Variants in KIFAP3 observed in about 807,000 individuals in gnomAD.
KIFAP3 encodes kinesin associated protein 3.
In KIFAP3, 68 loss-of-function variants were observed where a neutral mutation model predicts 106.5. The observed-to-expected ratio is 0.64, with a 90% CI of 0.53 to 0.78. The LOEUF is 0.78. Ranked by LOEUF, KIFAP3 falls within the 30% of genes least tolerant of loss-of-function variation. The pLI is 0.00. For missense variants in KIFAP3, 780 were observed against 941.8 expected, an observed-to-expected ratio of 0.83 and a Z score of 2.25; for synonymous variants, 320 against 311.5, an observed-to-expected ratio of 1.03 and a Z score of -0.29.
intron 10 of KIFAP3, among the ~76,000 whole-genome samples, 186 bp from the exon 11 acceptor site, chr1:169,992,441 C>T (rs1003149768): frequency 1.3e-5 from 2 of 152,028 alleles, no homozygotes; most frequent in South Asian, 2.1e-4. Context: ...ATATGTGAAA[C>T]ATCACTAATT....
At chr1:170,062,946 CAA>C (rs1285687472) in intron 1 of KIFAP3, among the ~76,000 whole-genome samples, 1 of 151,516 alleles carries the variant, frequency 6.6e-6, no homozygotes, top group Non-Finnish European at 1.5e-5. Context: ...ACCACCTTTG[CAA>C]AAATTATAAC....
At chr1:170,059,053 C>G (rs1361321412) in intron 1 of KIFAP3, among the ~76,000 whole-genome samples, 1 of 152,062 alleles carries the variant, frequency 6.6e-6, no homozygotes, top group Non-Finnish European at 1.5e-5. Context: ...ACTAAATGCC[C>G]ACAAGAGTAA....
Position 170,016,624 on chromosome 1 carries a change from C to T in KIFAP3, c.1021G>A (p.Val341Met). Residue 341 changes from valine to methionine, a missense_variant and splice_region_variant, in exon 10 of 20, where the codon GTG becomes ATG. Physicochemically the swap from Val to Met is conservative, Grantham distance 21 (BLOSUM62 1). Transcript: ENST00000361580. Reference sequence around the variant, plus strand: ...AGTTTTTCAACAATATCCATTTCCACCTAAGTAAAATAATAATACAAATAC... The same window carrying T: ...AGTTTTTCAACAATATCCATTTCCATCTAAGTAAAATAATAATACAAATAC... ...SIFMENKNDM[V>M]EMDIVEKLVK... 2 of 1,561,214 alleles carry T rather than the reference C, an allele frequency of 1.3e-6. No homozygotes were observed. Among genetic ancestry groups the T allele is most frequent in the Non-Finnish European group, 1.7e-6 (2 of 1,155,904 alleles).
At chr1:169,950,369 G>A (rs1306667354) in intron 19 of KIFAP3, among the ~76,000 whole-genome samples, 1 of 152,068 alleles carries the variant, frequency 6.6e-6, no homozygotes, top group African/African-American at 2.4e-5. Flanking sequence ...AATGATAAAA[G>A]TTCACCTTTT....
At chr1:170,052,635 T>G (rs1270817680) in intron 2 of KIFAP3, among the ~76,000 whole-genome samples, 2 of 152,200 alleles carry the variant, frequency 1.3e-5, no homozygotes, top group African/African-American at 2.4e-5. Context: ...ATCAAAAAAC[T>G]TATCCACCAC....
Position 170,000,884 on chromosome 1 carries a change from A to T in KIFAP3, c.1184-8629T>A, listed in dbSNP as rs552819898. Among the ~76,000 whole-genome samples, 31 of 152,276 alleles carry T rather than the reference A, an allele frequency of 2.0e-4. No homozygotes were observed. The East Asian group carries it at 5.8e-3, about 28-fold the overall frequency. ...AGGTTACAAAGATCAGTATGAAAAC[A>T]TTAAGTACAACAATAGTTTCTGAGG... is the stretch of plus-strand genomic sequence containing the variant. On this transcript the variant is annotated intron_variant, in intron 10 of 19. Transcript: ENST00000361580.
intron 19 of KIFAP3, among the ~76,000 whole-genome samples, chr1:169,948,528 T>C (rs1242785160): frequency 1.3e-5 from 2 of 151,992 alleles, no homozygotes; most frequent in African/African-American, 4.8e-5. Context: ...CTTACAATGC[T>C]GAACAAATGG....
At chr1:169,953,734 T>C (rs1664854246) in intron 19 of KIFAP3, among the ~76,000 whole-genome samples, 1 of 152,214 alleles carries the variant, frequency 6.6e-6, no homozygotes, top group African/African-American at 2.4e-5. Context: ...CAGGATGGTC[T>C]CGATCTCCTG....
At chr1:170,055,197 G>T in intron 2 of KIFAP3, 108 bp downstream of exon 2, 1 of 918,134 alleles carries the variant, frequency 1.1e-6, no homozygotes, top group Non-Finnish European at 1.6e-6. Flanking sequence ...AAGTATGCCT[G>T]GAAGAATGCC....
At chr1:170,020,614 A>T (rs1668760719) in intron 9 of KIFAP3, among the ~76,000 whole-genome samples, 1 of 152,056 alleles carries the variant, frequency 6.6e-6, no homozygotes, top group African/African-American at 2.4e-5. Flanking sequence ...TGCCAGGATA[A>T]TTTTTTGTAT....
At chr1:170,071,827 C>A (rs947598896) in intron 1 of KIFAP3, among the ~76,000 whole-genome samples, 1 of 152,194 alleles carries the variant, frequency 6.6e-6, no homozygotes, top group Middle Eastern at 3.2e-3. Flanking sequence ...TATATCCAAA[C>A]CACAGCAAAT....
chr1:169,984,934 G>T (rs1327309061), intron 11 of KIFAP3, among the ~76,000 whole-genome samples: 1 of 151,774 alleles, frequency 6.6e-6, no homozygotes, highest in Non-Finnish European at 1.5e-5. Flanking sequence ...GAATATAAGA[G>T]AAATATTAGA....
chr1:169,927,949 T>C (rs1178877488), intron 19 of KIFAP3, among the ~76,000 whole-genome samples: 2 of 152,060 alleles, frequency 1.3e-5, no homozygotes, highest in Admixed American at 6.5e-5. Flanking sequence ...AGGAAGATAA[T>C]TGTAGTAGGA....
chr1:170,016,670 T>C lies in KIFAP3; in HGVS notation c.1021-46A>G, dbSNP rs772371138. 1.0e-5 allele frequency: 12 copies of C among 1,162,064 alleles called. No individual in the cohort carries two copies. In the Admixed American group the frequency reaches 1.3e-4, roughly 13 times the overall value. 72.0% of individuals were successfully genotyped at this position (1,162,064 alleles called of 1,614,324 possible). On this transcript the variant is annotated intron_variant, in intron 9 of 19. Transcript: ENST00000361580. ...AATACAGTGAAGTTCTGTTGCAAAA[T>C]AGGACAAAAAGAATATAATTATTTT...
At chr1:170,040,982 C>CGTTG (rs1669945587) in intron 3 of KIFAP3, among the ~76,000 whole-genome samples, 1 of 151,984 alleles carries the variant, frequency 6.6e-6, no homozygotes, top group African/African-American at 2.4e-5. Context: ...CACACCACAA[C>CGTTG]GCCCAGCTAT....
intron 19 of KIFAP3, among the ~76,000 whole-genome samples, chr1:169,931,066 C>T (rs1343098309): frequency 1.3e-5 from 2 of 151,548 alleles, no homozygotes; most frequent in Non-Finnish European, 2.9e-5. Context: ...ATTACAGGCC[C>T]GTGCCACAAT....
At chr1:169,953,579 A>G (rs1292113789) in intron 19 of KIFAP3, among the ~76,000 whole-genome samples, 4 of 151,990 alleles carry the variant, frequency 2.6e-5, no homozygotes, top group Non-Finnish European at 5.9e-5. Context: ...CAGTGGCGTG[A>G]TCTCGGCTCA....
At position 170,016,473 on chromosome 1, in the gene KIFAP3, G is replaced by A; in HGVS notation, c.1172C>T (p.Thr391Ile). Residue 391 changes from threonine to isoleucine, a missense_variant, in exon 10 of 20, where the codon ACT (threonine) becomes ATT (isoleucine). By Grantham distance (89) the Thr-to-Ile change is moderately conservative. Around this residue, in one of 3 missense-constraint regions of KIFAP3, gnomAD observed 588 missense variants for 678.9 expected, o/e 0.87. Coordinates refer to ENST00000361580, the MANE Select transcript of KIFAP3 (RefSeq NM_014970.4). ...TCTAAAAAGCATACCTAGGAGTGCAGTGAGCTTGGGAAGCAGTCCAACTTG... is the reference window on the plus strand; with the variant it reads ...TCTAAAAAGCATACCTAGGAGTGCAATGAGCTTGGGAAGCAGTCCAACTTG... ...MVQVGLLPKL[T>I]ALLGNDNYKQ... is the part of the protein sequence containing the mutation. 1 of 1,602,720 alleles carries A rather than the reference G, an allele frequency of 6.2e-7. No individual in the cohort carries two copies. Among genetic ancestry groups the A allele is most frequent in the African/African-American group, 1.3e-5 (1 of 74,198 alleles).
chr1:169,959,513 C>T (rs1218803337), intron 18 of KIFAP3, among the ~76,000 whole-genome samples: 2 of 151,944 alleles, frequency 1.3e-5, no homozygotes, highest in East Asian at 3.8e-4. Context: ...AAAAGCATAA[C>T]CTATACATTG....
Sources: allele counts gnomAD v4.1 joint callset (sites outside exome capture counted in the v4.1 genomes callset), GRCh38; gene constraint gnomAD v4.1.1; regional missense constraint gnomAD v4.1.1; transcripts MANE v1.5; gene names NCBI Gene and HGNC (gene_info 2026-07-23, HGNC 2026-07-21).